The following SLIT3 variants were observed in gnomAD, a reference collection of about 807,000 sequenced individuals.
The protein encoded by SLIT3 is slit guidance ligand 3, also known as slit homolog 3 protein.
A neutral mutation model predicts 184.0 loss-of-function variants in SLIT3; 68 were observed. The ratio of observed to expected loss-of-function variants is 0.37; its 90% confidence interval spans 0.30 to 0.45. SLIT3 has a LOEUF of 0.45. SLIT3 is among the 20% of genes least tolerant of loss of function. SLIT3 has a pLI of 1.00. For missense variants in SLIT3, 1,707 were observed against 2,026.0 expected, an observed-to-expected ratio of 0.84 and a Z score of 3.02; for synonymous variants, 831 against 828.6, an observed-to-expected ratio of 1.00 and a Z score of -0.05.
chr5:169,234,916 C>T (rs1765140743), intron 3 of SLIT3, among the ~76,000 whole-genome samples: 1 of 152,088 alleles, frequency 6.6e-6, no homozygotes, highest in South Asian at 2.1e-4. Flanking sequence ...GGCAAGAAAT[C>T]CAATTTTCTT....
rs1473852817 is a variant in SLIT3 at position 169,300,537 on chromosome 5, C to A, written c.173G>T (p.Gly58Val). Residue 58 changes from glycine (G) to valine (V), a missense_variant, in exon 1 of 36, where the codon GGC (glycine) becomes GTC (valine). By Grantham distance (109) the Gly-to-Val change is moderately radical. This residue lies in a region of SLIT3 where 1,307 missense variants were observed against 1,511.6 expected (regional missense o/e 0.86). Coordinates refer to ENST00000519560, the MANE Select transcript of SLIT3 (RefSeq NM_003062.4). This position sits in a 1 kb window ranked among gnomAD's most constrained non-coding sequence, Gnocchi z 4.1. ...CAGGCGCTCAGCGTTGCGGGGGATG[C>A]CCCGAGGAACCGCGCGGAGGCCCAG... ...HGLGLRAVPRGIPRNAERLDL... is the reference protein window; with the variant it reads ...HGLGLRAVPRVIPRNAERLDL... 6.0e-6 allele frequency: 9 copies of A among 1,508,300 alleles called. No individual in the cohort carries two copies. The African/African-American group carries it at 7.2e-5, about 12-fold the overall frequency. The allele number at this position is 1,508,300 out of a possible 1,614,324, so 93.4% of individuals were successfully genotyped here. A position where few individuals can be genotyped will look rare whatever the true frequency, so the allele number is the denominator to read the frequency against.
At chr5:169,262,064 G>A (rs1483371563) in intron 1 of SLIT3, among the ~76,000 whole-genome samples, 2 of 152,162 alleles carry the variant, frequency 1.3e-5, no homozygotes, top group Non-Finnish European at 2.9e-5. Flanking sequence ...TTCTCCAGTT[G>A]AGCCTTGAGA....
chr5:169,135,565 C>G (rs1761471411), intron 4 of SLIT3, among the ~76,000 whole-genome samples: 1 of 152,170 alleles, frequency 6.6e-6, no homozygotes, highest in African/African-American at 2.4e-5. Context: ...ATCAGTCATG[C>G]CTTTTATCAG....
intron 23 of SLIT3, among the ~76,000 whole-genome samples, chr5:168,714,412 T>A (rs746241539): frequency 3.9e-5 from 6 of 152,110 alleles, no homozygotes; most frequent in Non-Finnish European, 7.4e-5. Context: ...TCAGGCTCCA[T>A]TCTCTACTAA....
chr5:169,129,294 G>T (rs964601712), intron 4 of SLIT3, among the ~76,000 whole-genome samples: 1 of 152,170 alleles, frequency 6.6e-6, no homozygotes, highest in Non-Finnish European at 1.5e-5. Context: ...GCTCATGCCT[G>T]TAATCCCAGC....
chr5:168,950,468 G>A (rs1294706497), intron 4 of SLIT3, among the ~76,000 whole-genome samples: 10 of 152,244 alleles, frequency 6.6e-5, no homozygotes, highest in Admixed American at 5.9e-4. Flanking sequence ...TAGAAGGCCA[G>A]TCAATACTTT....
chr5:168,781,273 G>A (rs1341661523), intron 12 of SLIT3, among the ~76,000 whole-genome samples: 2 of 152,174 alleles, frequency 1.3e-5, no homozygotes, highest in Non-Finnish European at 2.9e-5. Flanking sequence ...CTATTATTTG[G>A]TTACCAGATC....
chr5:168,666,355 G>T lies in SLIT3; in HGVS notation c.*99C>A. ...CTCTTCTTCTTTACCTTCCTCTCCAGCTTCATTTCCTTCATGCTGAATCAC... is the reference window on the plus strand; with the variant it reads ...CTCTTCTTCTTTACCTTCCTCTCCATCTTCATTTCCTTCATGCTGAATCAC... On this transcript the variant is annotated 3_prime_UTR_variant, in exon 36 of 36. Transcript: ENST00000519560. 1 of 1,181,196 alleles carries T rather than the reference G, an allele frequency of 8.5e-7. No individual in the cohort carries two copies. Among genetic ancestry groups the T allele is most frequent in the Non-Finnish European group, 1.1e-6 (1 of 880,970 alleles). The allele number at this position is 1,181,196 out of a possible 1,614,324, so 73.2% of individuals were successfully genotyped here.
At chr5:169,258,435 G>A (rs542893662) in intron 1 of SLIT3, among the ~76,000 whole-genome samples, 1 of 152,226 alleles carries the variant, frequency 6.6e-6, no homozygotes, top group Non-Finnish European at 1.5e-5. Context: ...GTCTCCCAGT[G>A]AAGTCCTGGC....
At chr5:168,984,113 T>C (rs1350583233) in intron 4 of SLIT3, among the ~76,000 whole-genome samples, 1 of 152,116 alleles carries the variant, frequency 6.6e-6, no homozygotes, top group African/African-American at 2.4e-5. Flanking sequence ...ATATAAATAC[T>C]GTAAAATGTA....
At chr5:168,686,200 G>A (rs1761739218) in intron 30 of SLIT3, among the ~76,000 whole-genome samples, 1 of 152,168 alleles carries the variant, frequency 6.6e-6, no homozygotes, top group Non-Finnish European at 1.5e-5. Context: ...GCACAGGAGT[G>A]CGAGTTCAGG....
chr5:169,046,163 G>T (rs1380497646), intron 4 of SLIT3, among the ~76,000 whole-genome samples: 1 of 152,106 alleles, frequency 6.6e-6, no homozygotes, highest in Admixed American at 6.5e-5. Context: ...TTGTGCTTTG[G>T]TATAGGTAAA....
intron 32 of SLIT3, among the ~76,000 whole-genome samples, chr5:168,679,043 A>G (rs1761500565): frequency 6.6e-6 from 1 of 152,138 alleles, no homozygotes; most frequent in Admixed American, 6.5e-5. Context: ...AGAGTGGCCC[A>G]TGGCCTTTTT....
intron 19 of SLIT3, among the ~76,000 whole-genome samples, 195 bp downstream of exon 19, chr5:168,749,277 A>T (rs1754612360): frequency 6.6e-6 from 1 of 152,240 alleles, no homozygotes; most frequent in African/African-American, 2.4e-5. Flanking sequence ...TGACTGCTGA[A>T]ATGGGCACCT....
chr5:169,295,008 T>C (rs1413540350), intron 1 of SLIT3, among the ~76,000 whole-genome samples: 2 of 152,222 alleles, frequency 1.3e-5, no homozygotes, highest in Non-Finnish European at 2.9e-5. Context: ...TGGAAGTTGC[T>C]CTGGGTGAGT....
chr5:169,008,380 G>A (rs1032703491), intron 4 of SLIT3, among the ~76,000 whole-genome samples: 1 of 152,128 alleles, frequency 6.6e-6, no homozygotes, highest in African/African-American at 2.4e-5. Flanking sequence ...TAGCCATGAC[G>A]GGCCTGACTT....
chr5:168,866,154 G>T (rs1374627499), intron 5 of SLIT3, among the ~76,000 whole-genome samples: 1 of 152,184 alleles, frequency 6.6e-6, no homozygotes, highest in Non-Finnish European at 1.5e-5. Context: ...CCTAGCCGGG[G>T]TCATGTTTCC....
At chr5:169,094,194 A>G (rs962503722) in intron 4 of SLIT3, among the ~76,000 whole-genome samples, 2 of 152,254 alleles carry the variant, frequency 1.3e-5, no homozygotes, top group African/African-American at 4.8e-5. Context: ...TTAACTTAAT[A>G]TTTGTAAGAT....
intron 9 of SLIT3, among the ~76,000 whole-genome samples, chr5:168,798,868 A>AC (rs1249637439): frequency 1.3e-5 from 2 of 152,022 alleles, no homozygotes; most frequent in Admixed American, 6.6e-5. Context: ...AGTTATTACC[A>AC]CCTCCACATT....
Sources: allele counts gnomAD v4.1 joint callset (sites outside exome capture counted in the v4.1 genomes callset), GRCh38; gene constraint gnomAD v4.1.1; regional missense constraint gnomAD v4.1.1; non-coding constraint Gnocchi (gnomAD v3.1); transcripts MANE v1.5; gene names NCBI Gene and HGNC (gene_info 2026-07-23, HGNC 2026-07-21).